The following ITGB1 variants were observed in gnomAD, a reference collection of about 807,000 sequenced individuals.
ITGB1 encodes the protein integrin subunit beta 1.
In ITGB1, 24 loss-of-function variants were observed where a neutral mutation model predicts 86.5. That is an observed-to-expected ratio of 0.28 (90% CI 0.20 to 0.39). ITGB1 has a LOEUF of 0.39. Ranked by LOEUF, ITGB1 falls within the 10% of genes least tolerant of loss-of-function variation. ITGB1 has a pLI of 1.00. For missense variants in ITGB1, 556 were observed against 946.9 expected (o/e 0.59, Z 5.42); for synonymous variants, 323 against 316.8 (o/e 1.02, Z -0.21).
chr10:32,908,320 A>C, intron 15 of ITGB1, 48 bp downstream of exon 15: 1 of 1,538,524 alleles, frequency 6.5e-7, no homozygotes, highest in Non-Finnish European at 9.0e-7. Context: ...TAGGAGTATT[A>C]CATTTACTTT....
chr10:32,911,797 C>T, intron 12 of ITGB1, 89 bp downstream of exon 12: 1 of 1,426,704 alleles, frequency 7.0e-7, no homozygotes, highest in South Asian at 1.2e-5. Context: ...CAAGCTACCC[C>T]TTTTCTACTT....
intron 1 of ITGB1, among the ~76,000 whole-genome samples, chr10:32,947,701 CA>C (rs2095034588): frequency 6.6e-6 from 1 of 151,968 alleles, no homozygotes; most frequent in African/African-American, 2.4e-5. Flanking sequence ...TCTGAGGTAT[CA>C]AAAAATAAAA....
At chr10:32,932,670 TCA>T in intron 2 of ITGB1, 70 bp from the exon 3 acceptor site, 2 of 910,522 alleles carry the variant, frequency 2.2e-6, no homozygotes, top group South Asian at 1.3e-5. Context: ...AAAATCAGAA[TCA>T]CAATGACAAT....
chr10:32,937,272 T>C (rs958005086), intron 1 of ITGB1, among the ~76,000 whole-genome samples: 4 of 152,158 alleles, frequency 2.6e-5, no homozygotes, highest in East Asian at 1.9e-4. Flanking sequence ...TTTAGAGTTA[T>C]AGAGGGCCAA....
chr10:32,932,863 T>C, intron 2 of ITGB1: 1 of 287,748 alleles, frequency 3.5e-6, no homozygotes, highest in Non-Finnish European at 6.6e-6. Flanking sequence ...CATATAATGG[T>C]AAATGGGGTA....
intron 6 of ITGB1, 31 bp from the exon 7 acceptor site, chr10:32,923,771 C>T: frequency 6.3e-7 from 1 of 1,586,912 alleles, no homozygotes; most frequent in Non-Finnish European, 8.6e-7. Context: ...AATTTTAAAA[C>T]ACTATTCACA....
intron 1 of ITGB1, among the ~76,000 whole-genome samples, chr10:32,947,262 T>C (rs1189152204): frequency 6.6e-6 from 1 of 151,930 alleles, no homozygotes; most frequent in Admixed American, 6.6e-5. Context: ...AGGCATACAT[T>C]AGTCTTTATC....
intron 5 of ITGB1, among the ~76,000 whole-genome samples, chr10:32,926,885 T>C (rs2094966762): frequency 6.6e-6 from 1 of 152,134 alleles, no homozygotes; most frequent in African/African-American, 2.4e-5. Context: ...TGCCTGGATC[T>C]TGGACTTCTC....
intron 1 of ITGB1, among the ~76,000 whole-genome samples, chr10:32,943,555 T>C (rs1341943191): frequency 6.6e-6 from 1 of 151,486 alleles, no homozygotes; most frequent in Non-Finnish European, 1.5e-5. Flanking sequence ...AGACCAGACA[T>C]CACAACAGGG....
chr10:32,942,486 T>G (rs1319425928), intron 1 of ITGB1, among the ~76,000 whole-genome samples: 1 of 152,208 alleles, frequency 6.6e-6, no homozygotes, highest in Non-Finnish European at 1.5e-5. Flanking sequence ...TGATGGATTC[T>G]AGGCTCCAAG....
intron 11 of ITGB1, among the ~76,000 whole-genome samples, chr10:32,917,590 A>C (rs2094935953): frequency 6.6e-6 from 1 of 152,240 alleles, no homozygotes; most frequent in Non-Finnish European, 1.5e-5. Context: ...ACACATGAAA[A>C]AATGCTCATC....
rs866869644 is a variant in ITGB1 at position 32,912,544 on chromosome 10, C to A, written c.1470-420G>T. On this transcript the variant is annotated intron_variant, in intron 11 of 15. Coordinates refer to ENST00000302278, the MANE Select transcript of ITGB1 (RefSeq NM_002211.4). ...CATGCCCAGCTCAGAGGGTCCCACA[C>A]CCATGGAGCCTCGCTCACTGCTAGC... Among the ~76,000 whole-genome samples, 4 of 152,330 alleles carry A rather than the reference C, an allele frequency of 2.6e-5. No homozygotes were observed. In the South Asian group the frequency reaches 8.3e-4, roughly 32 times the overall value.
intron 1 of ITGB1, chr10:32,944,888 G>A: frequency 1.5e-6 from 2 of 1,339,200 alleles, no homozygotes; most frequent in Non-Finnish European, 1.1e-6. Context: ...ACCAGAGACG[G>A]TTATCAAAAG....
chr10:32,951,010 T>C (rs1334602810), intron 1 of ITGB1, among the ~76,000 whole-genome samples: 1 of 152,146 alleles, frequency 6.6e-6, no homozygotes, highest in East Asian at 1.9e-4. Flanking sequence ...TAGTACGCAT[T>C]GGCAAACAAA....
In ITGB1 at chr10:32,919,984, A is replaced by C. The variant is rs1331843307; in HGVS notation, c.1370T>G (p.Ile457Ser). 2 of 1,614,116 alleles carry C rather than the reference A, an allele frequency of 1.2e-6. No individual in the cohort carries two copies. The highest frequency in any genetic ancestry group is 1.7e-6 in the Non-Finnish European group (2 of 1,179,964). Reference sequence around the variant, plus strand: ...TTCACATTCACAGATGTACTGAAGAATAACCTCTACTTCCTCCGTAAAGCC... The same window carrying C: ...TTCACATTCACAGATGTACTGAAGACTAACCTCTACTTCCTCCGTAAAGCC... ...PLGFTEEVEV[I>S]LQYICECECQ... The change falls in exon 11 of 16, where the codon ATT (isoleucine) becomes AGT (serine). Residue 457 changes from isoleucine to serine, a missense_variant. Ile to Ser is a moderately radical substitution (Grantham distance 142). Coordinates refer to ENST00000302278, the MANE Select transcript of ITGB1 (RefSeq NM_002211.4).
At chr10:32,953,793 C>T (rs1203562501) in intron 1 of ITGB1, 1 of 152,186 alleles carries the variant, frequency 6.6e-6, no homozygotes, top group Non-Finnish European at 1.5e-5. Context: ...CATCAAACTG[C>T]TTCTCTGATC....
At position 32,916,845 on chromosome 10, in the gene ITGB1, A is replaced by C. The variant is rs547058359; in HGVS notation, c.1469+3040T>G. 6.2e-4 allele frequency among the ~76,000 whole-genome samples: 94 copies of C among 152,304 alleles called. 2 individuals are homozygous for C. In the South Asian group the frequency reaches 0.019, roughly 31 times the overall value. On this transcript the variant is annotated intron_variant, in intron 11 of 15. Coordinates refer to ENST00000302278, the MANE Select transcript of ITGB1 (RefSeq NM_002211.4). Reference sequence around the variant, plus strand: ...TCATAGAATTGGAAAAAACTACTTTAAAGTTCATATGGAACCAAAAAAGAG... The same window carrying C: ...TCATAGAATTGGAAAAAACTACTTTCAAGTTCATATGGAACCAAAAAAGAG...
chr10:32,922,341 C>T lies in ITGB1; in HGVS notation c.1044G>A (p.Leu348=). ...TEEFQPVYKE[L]KNLIPKSAVG... ...CTGCTGACTTAGGGATCAAGTTTTTCAGCTCCTGCAATTAAAAGATAAAAC... is the reference window on the plus strand; with the variant it reads ...CTGCTGACTTAGGGATCAAGTTTTTTAGCTCCTGCAATTAAAAGATAAAAC... The change falls in exon 9 of 16, where the codon CTG becomes CTA. Residue 348 remains leucine, a synonymous_variant. Transcript: ENST00000302278. 6.2e-7 allele frequency: 1 copy of T among 1,602,774 alleles called. No individual in the cohort carries two copies. The highest frequency in any genetic ancestry group is 1.1e-5 in the South Asian group (1 of 90,060).
intron 1 of ITGB1, among the ~76,000 whole-genome samples, chr10:32,951,496 G>A (rs1170608586): frequency 6.6e-6 from 1 of 152,008 alleles, no homozygotes; most frequent in Non-Finnish European, 1.5e-5. Flanking sequence ...TTCAAATGGG[G>A]GTAAAGGGGC....
Sources: allele counts gnomAD v4.1 joint callset (sites outside exome capture counted in the v4.1 genomes callset), GRCh38; gene constraint gnomAD v4.1.1; transcripts MANE v1.5; gene names NCBI Gene and HGNC (gene_info 2026-07-23, HGNC 2026-07-21).